Variants in SLC24A1 observed in about 807,000 individuals in gnomAD.
SLC24A1 encodes the protein sodium/potassium/calcium exchanger 1.
Under a neutral mutation model 88.1 loss-of-function variants are expected in SLC24A1, and 52 were observed. The ratio of observed to expected loss-of-function variants is 0.59; its 90% CI spans 0.47 to 0.74. The LOEUF (loss-of-function observed/expected upper bound fraction) is 0.74, where lower values mean the gene tolerates loss of function less well. SLC24A1 is among the 30% of genes least tolerant of loss of function. SLC24A1 has a pLI of 0.00. For synonymous variants in SLC24A1, 455 were observed against 498.0 expected (o/e 0.91, Z 1.15); for missense variants, 1,173 against 1,363.3 (o/e 0.86, Z 2.20).
Position 65,654,347 on chromosome 15 carries a change from C to T in SLC24A1, c.*268C>T. The T allele has an allele frequency of 1.6e-6, 2 of 1,253,144 alleles. No individual in the cohort carries two copies. Among genetic ancestry groups the T allele is most frequent in the Non-Finnish European group, 2.0e-6 (2 of 996,346 alleles). 77.6% of individuals were successfully genotyped at this position (1,253,144 alleles called of 1,614,324 possible). A position where few individuals can be genotyped will look rare whatever the true frequency, so the allele number is the denominator to read the frequency against. The stretch of plus-strand genomic sequence containing the variant: ...ATTACATGGAGGCAGTAGAAGGACC[C>T]CTGGAGCCAGAGGGTTTTCTAAATG... On this transcript the variant is annotated 3_prime_UTR_variant, in exon 10 of 10. Coordinates refer to ENST00000261892, the MANE Select transcript of SLC24A1 (RefSeq NM_004727.3).
At position 65,633,364 on chromosome 15, in the gene SLC24A1, A is replaced by G. The variant is rs1342429477; in HGVS notation, c.1891-4764A>G. On this transcript the variant is annotated intron_variant, in intron 2 of 9. Transcript: ENST00000261892. ...GCATATCAGGTTAGAGTGTATTATT[A>G]AAATTAATTTCACAGCAGGGCACAG... 2.0e-5 allele frequency among the ~76,000 whole-genome samples: 3 copies of G among 152,232 alleles called. No individual in the cohort carries two copies. The East Asian group carries it at 5.8e-4, about 29-fold the overall frequency.
chr15:65,639,055 G>T (rs892509499), intron 3 of SLC24A1, among the ~76,000 whole-genome samples: 1 of 152,232 alleles, frequency 6.6e-6, no homozygotes, highest in African/African-American at 2.4e-5. Context: ...GACCACAGAA[G>T]ACCTGGGTAC....
chr15:65,614,055 A>G (rs1421103411), intron 2 of SLC24A1, among the ~76,000 whole-genome samples: 3 of 152,186 alleles, frequency 2.0e-5, no homozygotes, highest in Admixed American at 1.3e-4. Flanking sequence ...GCAGAAGTCA[A>G]TCATAAATAT....
rs199504782 is a variant in SLC24A1 at position 65,625,211 on chromosome 15, C to T, written c.1131C>T (p.Thr377=). 2.9e-4 allele frequency: 474 copies of T among 1,613,928 alleles called. 2 individuals are homozygous for T. The African/African-American group carries it at 5.7e-3, about 19-fold the overall frequency. The change falls in exon 2 of 10, where the codon ACC becomes ACT. Residue 377 remains threonine (T), a synonymous_variant. Transcript: ENST00000261892. ...LAKKPSTAPS[T]STTPTVRAKL... The stretch of plus-strand genomic sequence containing the variant: ...AGAAACCTTCCACAGCACCCAGCAC[C>T]TCAACAACCCCTACGGTCAGGGCAA...
At position 65,622,027 on chromosome 15, in the gene SLC24A1, C is replaced by T. The variant is rs1039911975; in HGVS notation, c.-192C>T. The T allele has an allele frequency of 6.6e-6, 1 of 152,222 alleles. No individual in the cohort carries two copies. Among genetic ancestry groups the T allele is most frequent in the Non-Finnish European group, 1.5e-5 (1 of 68,072 alleles). 9.4% of individuals were successfully genotyped at this position (152,222 alleles called of 1,614,324 possible). A position where few individuals can be genotyped will look rare whatever the true frequency, so the allele number is the denominator to read the frequency against. On this transcript the variant is annotated 5_prime_UTR_variant, in exon 1 of 10. Coordinates refer to ENST00000261892, the MANE Select transcript of SLC24A1 (RefSeq NM_004727.3). The stretch of plus-strand genomic sequence containing the variant: ...CCTGCTGTCCAGCTTCAGACCCACT[C>T]TTTGAGATATTGGATTCTGACAAGT...
chr15:65,621,659 C>T (rs1268339820), upstream of SLC24A1, among the ~76,000 whole-genome samples: 2 of 152,156 alleles, frequency 1.3e-5, no homozygotes, highest in Non-Finnish European at 2.9e-5. Flanking sequence ...TTTCTCAGAG[C>T]GCCTTCTGAA....
chr15:65,635,548 C>T (rs2074903537), intron 2 of SLC24A1, among the ~76,000 whole-genome samples: 1 of 150,420 alleles, frequency 6.6e-6, no homozygotes, highest in Non-Finnish European at 1.5e-5. Flanking sequence ...GGGTTCAGTG[C>T]TGTAGCCTCT....
At chr15:65,634,372 A>G (rs1596321168) in intron 2 of SLC24A1, among the ~76,000 whole-genome samples, 1 of 152,298 alleles carries the variant, frequency 6.6e-6, no homozygotes, top group Admixed American at 6.5e-5. Context: ...AACAGCTGCA[A>G]AGGATCCCAT....
chr15:65,625,964 C>T lies in SLC24A1; in HGVS notation c.1884C>T (p.Leu628=), dbSNP rs763429091. 4 of 1,612,050 alleles carry T rather than the reference C, an allele frequency of 2.5e-6. No individual in the cohort carries two copies. In the Admixed American group the frequency reaches 6.7e-5, roughly 27 times the overall value. Residue 628 remains leucine, a synonymous_variant, in exon 2 of 10, where the codon CTC becomes CTT. Transcript: ENST00000261892. ...PVAKVMALED[L]SKPGDGAIAV... Reference sequence around the variant, plus strand: ...CCAAGGTCATGGCCTTAGAAGACCTCAGCAAGGTAAGGACAAATTGGCTCA... The same window carrying T: ...CCAAGGTCATGGCCTTAGAAGACCTTAGCAAGGTAAGGACAAATTGGCTCA...
chr15:65,620,541 T>C (rs1041695811), upstream of SLC24A1, among the ~76,000 whole-genome samples: 33 of 152,122 alleles, frequency 2.2e-4, no homozygotes, highest in Admixed American at 2.0e-4. Context: ...CTTCCATTCT[T>C]GGTTGAGCAG....
At position 65,652,725 on chromosome 15, in the gene SLC24A1, CA is replaced by C. The variant is rs769971147; in HGVS notation, c.2968del (p.Ser990ValfsTer2). 6.2e-7 allele frequency: 1 copy of C among 1,613,814 alleles called. No homozygotes were observed. The highest frequency in any genetic ancestry group is 8.5e-7 in the Non-Finnish European group (1 of 1,179,778). Reference protein sequence around the residue: ...AGTSIPDLITSVIVARKGLGD... With the variant: ...AGTSIPDLITXVIVARKGLGD... ...GCACATCAATTCCTGACCTCATCAC[CA>C]GTGTGATTGTCGCTCGAAAAGGCCT... On this transcript the variant is annotated frameshift_variant, in exon 9 of 10. Transcript: ENST00000261892. LOFTEE classifies it high-confidence loss of function.
intron 7 of SLC24A1, 91 bp downstream of exon 7, chr15:65,651,033 G>T: frequency 9.1e-7 from 1 of 1,103,710 alleles, no homozygotes. Context: ...AGAGGAGGAA[G>T]AGGCCAGGGA....
At chr15:65,659,368 C>T (rs957832921), downstream of SLC24A1, 1 of 97,446 alleles carries the variant, frequency 1.0e-5, no homozygotes, top group Admixed American at 1.7e-4. Context: ...GGGTCTTGCT[C>T]TGTAATCCAG....
At chr15:65,652,082 TGA>T (rs2075528436) in intron 8 of SLC24A1, 1 of 379,734 alleles carries the variant, frequency 2.6e-6, no homozygotes, top group South Asian at 2.1e-5. Flanking sequence ...CTACGCATTC[TGA>T]GAGCCAGCTT....
Position 65,625,858 on chromosome 15 carries a change from A to G in SLC24A1, c.1778A>G (p.Tyr593Cys), listed in dbSNP as rs370733466. ...GAGAGCCTGCTGCTGCTGCTGGCCT[A>G]TGCCTTCTATGTGTTCACCATGAAG... ...WWESLLLLLA[Y>C]AFYVFTMKWN... Residue 593 changes from tyrosine to cysteine, a missense_variant, in exon 2 of 10, where the codon TAT becomes TGT. Transcript: ENST00000261892. 20 of 1,613,874 alleles carry G rather than the reference A, an allele frequency of 1.2e-5. No homozygotes were observed. The highest frequency in any genetic ancestry group is 1.7e-5 in the Non-Finnish European group (20 of 1,179,886).
At chr15:65,611,670 CG>C (rs1340065434) in exon 1 of SLC24A1, 1 of 159,456 alleles carries the variant, frequency 6.3e-6, no homozygotes, top group Non-Finnish European at 1.4e-5. Flanking sequence ...AAATCCTGGC[CG>C]GGCGTGGTGG....
At position 65,625,921 on chromosome 15, in the gene SLC24A1, T is replaced by C; in HGVS notation, c.1841T>C (p.Leu614Pro). ...ATCGAGGTCTGGGTGAAGGAGCAGC[T>C]CAGCAGGAGGCCAGTGGCCAAGGTC... is the stretch of plus-strand genomic sequence containing the variant. ...KHIEVWVKEQ[L>P]SRRPVAKVMA... Residue 614 changes from leucine to proline, a missense_variant, in exon 2 of 10, where the codon CTC (leucine) becomes CCC (proline). Leu to Pro is a moderately conservative substitution (Grantham distance 98, BLOSUM62 -3). Coordinates refer to ENST00000261892, the MANE Select transcript of SLC24A1 (RefSeq NM_004727.3). The C allele has an allele frequency of 1.2e-6, 2 of 1,613,974 alleles. No individual in the cohort carries two copies.
At chr15:65,626,222 G>A (rs993489124) in intron 2 of SLC24A1, among the ~76,000 whole-genome samples, 2 of 152,196 alleles carry the variant, frequency 1.3e-5, no homozygotes, top group Non-Finnish European at 2.9e-5. Context: ...TTGCAGGAGA[G>A]AAAACCGAAG....
At chr15:65,642,919 C>T (rs753075064) in intron 4 of SLC24A1, 31 of 997,100 alleles carry the variant, frequency 3.1e-5, no homozygotes, top group Non-Finnish European at 4.0e-5. Context: ...CTCAGTCCGT[C>T]TGTATTATGG....
Sources: gnomAD v4.1 joint callset for allele counts (sites outside exome capture counted in the v4.1 genomes callset) on GRCh38, gnomAD v4.1.1 for gene constraint, MANE v1.5 for transcripts, NCBI Gene and HGNC (gene_info 2026-07-23, HGNC 2026-07-21) for gene names.